DAB1: variants seen among roughly 807,000 people sequenced by gnomAD.
DAB1 encodes disabled homolog 1.
DAB1 carries 15 observed loss-of-function variants against 64.6 expected under a neutral mutation model. The ratio of observed to expected loss-of-function variants is 0.23; its 90% CI spans 0.16 to 0.36. The LOEUF (loss-of-function observed/expected upper bound fraction) is 0.36. Ranked by LOEUF, DAB1 falls within the 10% of genes least tolerant of loss-of-function variation. The pLI, the probability that DAB1 is intolerant of heterozygous loss-of-function variation, is 1.00. For missense variants in DAB1, 596 were observed against 706.7 expected, an observed-to-expected ratio of 0.84 and a Z score of 1.78; for synonymous variants, 235 against 251.9, an observed-to-expected ratio of 0.93 and a Z score of 0.64.
intron 6 of DAB1, among the ~76,000 whole-genome samples, chr1:57,680,431 CT>C (rs1646623086): frequency 6.6e-6 from 1 of 152,216 alleles, no homozygotes; most frequent in Non-Finnish European, 1.5e-5. Context: ...AGGTGCATTC[CT>C]TTCTGAAGAC....
At chr1:57,167,634 A>G (rs1406822725) in intron 2 of DAB1, among the ~76,000 whole-genome samples, 1 of 152,154 alleles carries the variant, frequency 6.6e-6, no homozygotes, top group African/African-American at 2.4e-5. Flanking sequence ...TGAATGTTTT[A>G]CAACGGCCAG....
intron 1 of DAB1, among the ~76,000 whole-genome samples, chr1:57,302,897 T>C (rs555980716): frequency 6.6e-6 from 1 of 152,326 alleles, no homozygotes; most frequent in East Asian, 1.9e-4. Flanking sequence ...GGGCACGCTA[T>C]TTAACTCCCC....
At chr1:58,300,646 GAGGAAGGA>G (rs750819465) in intron 4 of DAB1, among the ~76,000 whole-genome samples, 94 of 57,318 alleles carry the variant, frequency 1.6e-3, no homozygotes, top group African/African-American at 3.1e-3. Flanking sequence ...GAGAGAGAGA[GAGGAAGGA>G]AGGAAGGAAG....
chr1:57,391,816 G>C (rs1392339245), intron 1 of DAB1, among the ~76,000 whole-genome samples: 2 of 147,830 alleles, frequency 1.4e-5, no homozygotes, highest in South Asian at 2.4e-4. Flanking sequence ...CACACACAGA[G>C]AGAGGAGAGA....
intron 3 of DAB1, among the ~76,000 whole-genome samples, chr1:57,141,781 G>T (rs549027133): frequency 6.6e-6 from 1 of 152,268 alleles, no homozygotes; most frequent in South Asian, 2.1e-4. Context: ...AGTCAATGGT[G>T]CATGATGTGA....
At chr1:57,311,395 C>A (rs1415443517) in intron 1 of DAB1, among the ~76,000 whole-genome samples, 1 of 151,700 alleles carries the variant, frequency 6.6e-6, no homozygotes, top group East Asian at 1.9e-4. Flanking sequence ...ACTGAGGCAG[C>A]CATTTAAGTC....
chr1:57,033,646 G>A (rs1043809095), intron 9 of DAB1: 11 of 1,411,598 alleles, frequency 7.8e-6, no homozygotes, highest in African/African-American at 1.4e-5. Context: ...TGAGTTTAAT[G>A]ATGACAGTAT....
At chr1:57,566,283 G>C (rs1314416291) in intron 7 of DAB1, among the ~76,000 whole-genome samples, 2 of 152,214 alleles carry the variant, frequency 1.3e-5, no homozygotes, top group Admixed American at 1.3e-4. Flanking sequence ...GCAGTGTGTA[G>C]AGGGAAATTT....
rs550471201 is a variant in DAB1, at chr1:58,532,460, T to C, written n.33-5125A>G. ...TGTGAAGCCATTACTTGAAAGATAT[T>C]AGAGTGCATATAATAACACTGCTTA... On this transcript the variant is annotated intron_variant and non_coding_transcript_variant, in intron 1 of 20. Transcript: ENST00000485760. Among the ~76,000 whole-genome samples, 12 of 150,718 alleles carry C rather than the reference T, an allele frequency of 8.0e-5. No homozygotes were observed. In the East Asian group the frequency reaches 1.9e-3, roughly 24 times the overall value.
chr1:57,409,619 G>A (rs1306425875), intron 1 of DAB1, among the ~76,000 whole-genome samples: 1 of 152,124 alleles, frequency 6.6e-6, no homozygotes, highest in African/African-American at 2.4e-5. Context: ...GACCAGCCTG[G>A]CCAACACAGT....
At chr1:57,272,469 C>A (rs987869633) in intron 2 of DAB1, among the ~76,000 whole-genome samples, 2 of 152,194 alleles carry the variant, frequency 1.3e-5, no homozygotes, top group African/African-American at 4.8e-5. Flanking sequence ...GTAACAATAG[C>A]AGTAAGCTAG....
chr1:57,701,421 G>T (rs1469168889), intron 6 of DAB1, among the ~76,000 whole-genome samples: 1 of 152,088 alleles, frequency 6.6e-6, no homozygotes, highest in Non-Finnish European at 1.5e-5. Context: ...GGATGAAGCT[G>T]AAAACCATCA....
intron 3 of DAB1, among the ~76,000 whole-genome samples, chr1:57,140,914 G>C (rs1171160573): frequency 6.6e-6 from 1 of 152,164 alleles, no homozygotes; most frequent in Non-Finnish European, 1.5e-5. Flanking sequence ...CTCAGGGGTT[G>C]CTTTGAGAAT....
intron 4 of DAB1, among the ~76,000 whole-genome samples, chr1:58,235,823 G>C (rs563776922): frequency 1.3e-5 from 2 of 152,176 alleles, no homozygotes; most frequent in Non-Finnish European, 2.9e-5. Context: ...CTGCAGTCTG[G>C]AGAGAAGTCA....
At chr1:58,426,436 C>A (rs1310224315) in intron 3 of DAB1, among the ~76,000 whole-genome samples, 2 of 152,214 alleles carry the variant, frequency 1.3e-5, no homozygotes, top group African/African-American at 2.4e-5. Flanking sequence ...GTACCTACTA[C>A]ATACCAGGTG....
chr1:57,599,674 G>A (rs1424849608), intron 7 of DAB1, among the ~76,000 whole-genome samples: 2 of 152,138 alleles, frequency 1.3e-5, no homozygotes, highest in Non-Finnish European at 2.9e-5. Flanking sequence ...GTGCTTGCCT[G>A]GTCATGGGGC....
chr1:58,218,989 T>TTCTCTCTCTCTC (rs1049058578), intron 4 of DAB1, among the ~76,000 whole-genome samples: 147 of 125,892 alleles, frequency 1.2e-3, no homozygotes, highest in Middle Eastern at 3.8e-3. Context: ...ATTCTGGCCA[T>TTCTCTCTCTCTC]TCTCTCTCTC....
chr1:57,089,258 A>G (rs995982843), intron 4 of DAB1, among the ~76,000 whole-genome samples: 11 of 152,188 alleles, frequency 7.2e-5, no homozygotes, highest in African/African-American at 2.7e-4. Context: ...TGTACAATAT[A>G]CCCCCTTACC....
chr1:57,293,708 A>G (rs487566), intron 1 of DAB1, among the ~76,000 whole-genome samples: 57,694 of 152,000 alleles, frequency 0.38, 11,375 homozygotes, highest in Admixed American at 0.54. Context: ...CACAGTAGGT[A>G]CCTAATCTAT....
Sources: allele counts gnomAD v4.1 joint callset (sites outside exome capture counted in the v4.1 genomes callset), GRCh38; gene constraint gnomAD v4.1.1; transcripts MANE v1.5; gene names NCBI Gene and HGNC (gene_info 2026-07-23, HGNC 2026-07-21).